The following XKR9 variants were observed in gnomAD, a reference collection of about 807,000 sequenced individuals.
XKR9 encodes the protein XK-related protein 9.
In XKR9, 32 loss-of-function variants were observed where a neutral mutation model predicts 32.0. The observed-to-expected ratio is 1.00, with a 90% CI of 0.76 to 1.34. The LOEUF (loss-of-function observed/expected upper bound fraction) is 1.34, where lower values mean the gene tolerates loss of function less well. Among genes scored for constraint, XKR9 ranks in the 40% most tolerant of loss-of-function variants. The probability of loss-of-function intolerance (pLI) is 0.00; values close to 1 mark genes in which losing one functional copy is unlikely to be tolerated. For synonymous variants in XKR9, 168 were observed against 143.4 expected (o/e 1.17, Z -1.22); for missense variants, 546 against 429.7 (o/e 1.27, Z -2.39).
chr8:70,790,540 T>A (rs772131993), downstream of XKR9, among the ~76,000 whole-genome samples: 113 of 152,218 alleles, frequency 7.4e-4, no homozygotes, highest in East Asian at 1.9e-4. Flanking sequence ...AATTACAGTG[T>A]CTTTTCATCT....
the XKR9 span, among the ~76,000 whole-genome samples, chr8:70,947,299 C>G: frequency 1.3e-5 from 2 of 152,190 alleles, no homozygotes; most frequent in East Asian, 3.8e-4. Context: ...ATACTGAGAA[C>G]AGTCCCTTCA....
intron 2 of XKR9, among the ~76,000 whole-genome samples, chr8:70,678,356 G>T (rs1473155745): frequency 6.6e-6 from 1 of 152,058 alleles, no homozygotes; most frequent in African/African-American, 2.4e-5. Context: ...TTTTTGAGGT[G>T]CATGTGATAA....
intron 2 of XKR9, among the ~76,000 whole-genome samples, chr8:70,742,377 A>G (rs1402421533): frequency 6.6e-6 from 1 of 152,176 alleles, no homozygotes; most frequent in Non-Finnish European, 1.5e-5. Context: ...GTTTGCTTGT[A>G]TGTTTGTGGG....
At chr8:70,703,969 T>G (rs1156910986) in intron 3 of XKR9, among the ~76,000 whole-genome samples, 1 of 152,016 alleles carries the variant, frequency 6.6e-6, no homozygotes, top group African/African-American at 2.4e-5. Flanking sequence ...GATCATGAGG[T>G]CAGGAGATCA....
the XKR9 span, among the ~76,000 whole-genome samples, chr8:70,925,379 GTCA>G: frequency 1.3e-5 from 2 of 152,150 alleles, no homozygotes; most frequent in Non-Finnish European, 2.9e-5. Context: ...TAAGGCAGTG[GTCA>G]GGCTAGGAGG....
At chr8:70,742,853 A>C (rs1469028517) in intron 2 of XKR9, among the ~76,000 whole-genome samples, 2 of 151,986 alleles carry the variant, frequency 1.3e-5, no homozygotes. Flanking sequence ...GTTGGTTTGC[A>C]GTTGTATGAC....
At chr8:70,963,051 G>A in the XKR9 span, among the ~76,000 whole-genome samples, 3 of 152,088 alleles carry the variant, frequency 2.0e-5, no homozygotes, top group Non-Finnish European at 1.5e-5. Flanking sequence ...TTGGTGGTTT[G>A]CTGCACAGAT....
the XKR9 span, among the ~76,000 whole-genome samples, chr8:70,866,254 G>A: frequency 1.3e-5 from 2 of 152,318 alleles, no homozygotes; most frequent in South Asian, 4.1e-4. Context: ...AAATCCCACA[G>A]TGAAGCTGCT....
the XKR9 span, among the ~76,000 whole-genome samples, chr8:70,853,208 C>G: frequency 3.3e-5 from 5 of 151,858 alleles, no homozygotes; most frequent in African/African-American, 1.2e-4. Context: ...AACGACTGAA[C>G]TCATCAAGAT....
the XKR9 span, among the ~76,000 whole-genome samples, chr8:70,892,884 C>T: frequency 5.9e-5 from 9 of 152,102 alleles, no homozygotes; most frequent in Non-Finnish European, 8.8e-5. Flanking sequence ...ATATCTTTCC[C>T]GAGACTTGGG....
intron 3 of XKR9, among the ~76,000 whole-genome samples, chr8:70,701,648 G>C (rs980582821): frequency 6.6e-6 from 1 of 152,254 alleles, no homozygotes; most frequent in African/African-American, 2.4e-5. Flanking sequence ...GTTTGTCCAG[G>C]CTAAGTATTG....
chr8:70,931,703 C>G, the XKR9 span, among the ~76,000 whole-genome samples: 1 of 152,122 alleles, frequency 6.6e-6, no homozygotes, highest in African/African-American at 2.4e-5. Context: ...AGGGAGCTTA[C>G]AATCATGGCA....
chr8:70,846,646 C>T, the XKR9 span, among the ~76,000 whole-genome samples: 3 of 151,796 alleles, frequency 2.0e-5, no homozygotes, highest in Admixed American at 6.6e-5. Context: ...ACTCACTTCA[C>T]CTATAAAGAC....
At chr8:70,958,481 G>C in the XKR9 span, among the ~76,000 whole-genome samples, 1 of 152,116 alleles carries the variant, frequency 6.6e-6, no homozygotes, top group African/African-American at 2.4e-5. Flanking sequence ...AAATATGTTT[G>C]TTGGCTGCAT....
intron 4 of XKR9, among the ~76,000 whole-genome samples, chr8:70,715,886 G>A (rs1355863838): frequency 6.6e-6 from 1 of 152,030 alleles, no homozygotes; most frequent in Non-Finnish European, 1.5e-5. Flanking sequence ...GTAGAATTAG[G>A]ATGTTTTGAG....
intron 2 of XKR9, among the ~76,000 whole-genome samples, chr8:70,750,650 A>G (rs1207850936): frequency 2.0e-5 from 3 of 152,190 alleles, no homozygotes; most frequent in Admixed American, 6.5e-5. Context: ...AATTCATACA[A>G]TTCAACTGTT....
At chr8:70,821,845 GGCCTGT>G in the XKR9 span, among the ~76,000 whole-genome samples, 3 of 152,126 alleles carry the variant, frequency 2.0e-5, no homozygotes, top group East Asian at 5.8e-4. Context: ...TAGGCCTCTG[GGCCTGT>G]GATGGGAGGG....
At chr8:70,795,145 G>A (rs1807812212), downstream of XKR9, among the ~76,000 whole-genome samples, 1 of 151,776 alleles carries the variant, frequency 6.6e-6, no homozygotes, top group Non-Finnish European at 1.5e-5. Context: ...TCCACCTTCT[G>A]ATAGGCCCCA....
chr8:70,702,603 C>T (rs1805577586), intron 3 of XKR9, among the ~76,000 whole-genome samples: 1 of 152,032 alleles, frequency 6.6e-6, no homozygotes, highest in Non-Finnish European at 1.5e-5. Context: ...CTTAAAGCTC[C>T]ATTAGGTGCA....
Sources: allele counts gnomAD v4.1 joint callset (sites outside exome capture counted in the v4.1 genomes callset), GRCh38; gene constraint gnomAD v4.1.1; transcripts MANE v1.5; gene names NCBI Gene and HGNC (gene_info 2026-07-23, HGNC 2026-07-21).